Variants in PSME4 observed in about 807,000 individuals in gnomAD.
PSME4 encodes proteasome activator subunit 4, also known as proteasome activator complex subunit 4.
A neutral mutation model predicts 253.9 loss-of-function variants in PSME4; 89 were observed. The ratio of observed to expected loss-of-function variants is 0.35; its 90% confidence interval spans 0.30 to 0.42. PSME4 has a LOEUF of 0.42. Ranked by LOEUF, PSME4 falls within the 10% of genes least tolerant of loss-of-function variation. PSME4 has a pLI of 1.00. For synonymous variants in PSME4, 851 were observed against 759.2 expected (o/e 1.12, Z -1.99); for missense variants, 2,014 against 2,195.2 (o/e 0.92, Z 1.65).
intron 3 of PSME4, among the ~76,000 whole-genome samples, chr2:53,947,601 G>T (rs547319396): frequency 2.0e-4 from 31 of 152,344 alleles, no homozygotes; most frequent in Admixed American, 3.3e-4. Context: ...AGCTACTCGG[G>T]AGGCTGAGGC....
At chr2:53,963,306 G>A (rs1307317492) in intron 1 of PSME4, among the ~76,000 whole-genome samples, 2 of 152,030 alleles carry the variant, frequency 1.3e-5, no homozygotes, top group Non-Finnish European at 2.9e-5. Context: ...ATTCCAGCCT[G>A]GGTAAGAGAC....
At chr2:53,927,528 T>G (rs191474949) in intron 11 of PSME4, 45 bp from the exon 12 acceptor site, 110 of 1,310,562 alleles carry the variant, frequency 8.4e-5, no homozygotes, top group Non-Finnish European at 1.2e-4. Context: ...TAATTCTAAT[T>G]CAGAAATACA....
chr2:53,920,774 C>CA (rs1668279066), intron 18 of PSME4, 115 bp downstream of exon 18: 9 of 867,912 alleles, frequency 1.0e-5, no homozygotes, highest in Admixed American at 2.8e-5. Flanking sequence ...ATAATAGTTT[C>CA]AATAATCTAT....
At chr2:53,877,619 T>C (rs988173859) in intron 41 of PSME4, among the ~76,000 whole-genome samples, 3 of 152,020 alleles carry the variant, frequency 2.0e-5, no homozygotes, top group African/African-American at 7.3e-5. Flanking sequence ...CTGCAAAAGG[T>C]AGAATAGGGT....
rs150023365 is a variant in PSME4, at chr2:53,942,655, T to C, written c.501-2655A>G. Among the ~76,000 whole-genome samples, 997 of 152,284 alleles carry C rather than the reference T, an allele frequency of 6.5e-3. 8 individuals are homozygous for C. The highest frequency in any genetic ancestry group is 8.3e-3 in the Non-Finnish European group (567 of 68,000). On this transcript the variant is annotated intron_variant, in intron 3 of 46. Transcript: ENST00000404125. ...AATGAGATAAGGTATAGAAAGCAGG[T>C]ATACGGCCCAGAATTAAGGATAATA...
intron 1 of PSME4, among the ~76,000 whole-genome samples, chr2:53,964,152 A>G (rs759860349): frequency 2.6e-5 from 4 of 152,242 alleles, no homozygotes; most frequent in Non-Finnish European, 4.4e-5. Flanking sequence ...GCTGTTTTCA[A>G]GAAATTACTG....
intron 18 of PSME4, 124 bp downstream of exon 18, chr2:53,920,765 T>C: frequency 2.4e-6 from 2 of 819,292 alleles, no homozygotes; most frequent in South Asian, 3.4e-5. Flanking sequence ...CATATTCCAA[T>C]AATAGTTTCA....
intron 36 of PSME4, among the ~76,000 whole-genome samples, chr2:53,891,092 C>T (rs10170468): frequency 0.016 from 2,378 of 152,296 alleles, 67 homozygotes; most frequent in African/African-American, 0.054. Context: ...TATAATAGTA[C>T]GCTAGGCTGA....
intron 11 of PSME4, among the ~76,000 whole-genome samples, 196 bp downstream of exon 11, chr2:53,927,921 G>C (rs961046566): frequency 5.3e-5 from 8 of 152,116 alleles, no homozygotes; most frequent in African/African-American, 1.9e-4. Context: ...CTGCACTCCA[G>C]TTTAGGTGAC....
chr2:53,958,006 A>T (rs1670312553), intron 1 of PSME4, among the ~76,000 whole-genome samples: 1 of 151,890 alleles, frequency 6.6e-6, no homozygotes, highest in South Asian at 2.1e-4. Flanking sequence ...ACCAACACAG[A>T]GAAACCCTGT....
intron 2 of PSME4, 50 bp from the exon 3 acceptor site, chr2:53,948,587 G>T: frequency 3.6e-6 from 4 of 1,105,850 alleles, no homozygotes; most frequent in Non-Finnish European, 5.5e-6. Flanking sequence ...GTGCACAGAT[G>T]TGTGTATACC....
intron 38 of PSME4, chr2:53,888,288 T>G (rs1053717147): frequency 4.0e-6 from 1 of 251,356 alleles, no homozygotes; most frequent in Non-Finnish European, 7.5e-6. Context: ...ATTAAGTGCT[T>G]CTTCTTTTTA....
At chr2:53,899,613 T>G (rs978806789) in intron 29 of PSME4, among the ~76,000 whole-genome samples, 10 of 151,148 alleles carry the variant, frequency 6.6e-5, no homozygotes, top group African/African-American at 2.2e-4. Flanking sequence ...AGGCCAGGAG[T>G]TCGAGACCCG....
intron 27 of PSME4, among the ~76,000 whole-genome samples, chr2:53,903,599 C>A (rs538288800): frequency 9.2e-5 from 14 of 152,104 alleles, no homozygotes; most frequent in Non-Finnish European, 1.8e-4. Context: ...TGTCTTAAGC[C>A]CTTCCTTCAC....
Position 53,887,921 on chromosome 2 carries a change from A to T in PSME4, c.4457T>A (p.Leu1486Gln), listed in dbSNP as rs750731142. Residue 1486 changes from leucine (L) to glutamine (Q), a missense_variant, in exon 39 of 47, where the codon CTA becomes CAA. By Grantham distance (113) the Leu-to-Gln change is moderately radical (BLOSUM62 -2). Around this residue, in one of 4 missense-constraint regions of PSME4, gnomAD observed 403 missense variants for 556.1 expected, o/e 0.72. Coordinates refer to ENST00000404125, the MANE Select transcript of PSME4 (RefSeq NM_014614.3). The part of the protein sequence containing the change: ...EWRVPELLHR[L>Q]LKYLEPKLTQ... The stretch of plus-strand genomic sequence containing the variant: ...GAGTTTGGGTTCCAAGTACTTCAGT[A>T]GTCTGTGCAATAGTTCAGGCACTCT... 1.2e-6 allele frequency: 2 copies of T among 1,606,980 alleles called. No individual in the cohort carries two copies. The highest frequency in any genetic ancestry group is 3.3e-5 in the Admixed American group (2 of 59,982).
intron 1 of PSME4, among the ~76,000 whole-genome samples, chr2:53,963,832 C>CT (rs1670598623): frequency 1.3e-5 from 2 of 151,832 alleles, no homozygotes; most frequent in South Asian, 4.1e-4. Flanking sequence ...ATTGGTATTG[C>CT]TTTTTTTAAA....
At chr2:53,875,228 A>G (rs1237869675) in intron 42 of PSME4, among the ~76,000 whole-genome samples, 1 of 152,254 alleles carries the variant, frequency 6.6e-6, no homozygotes, top group Non-Finnish European at 1.5e-5. Context: ...AAAGCTGACC[A>G]TACAGTATAC....
chr2:53,920,212 C>T lies in PSME4; in HGVS notation c.2401G>A (p.Gly801Arg). 6.2e-7 allele frequency: 1 copy of T among 1,609,312 alleles called. No homozygotes were observed. The highest frequency in any genetic ancestry group is 2.2e-5 in the East Asian group (1 of 44,840). The change falls in exon 19 of 47, where the codon GGA (glycine) becomes AGA (arginine). Residue 801 changes from glycine (G) to arginine (R), a missense_variant. Transcript: ENST00000404125. The stretch of plus-strand genomic sequence containing the variant: ...ACCAACCTAGACATTTCAAGTTTTC[C>T]ATCCCCACAATGCTGGAGTTTGACG... ...ELVKLQHCGD[G>R]KLEMSRDDIL...
chr2:53,919,097 A>T, intron 20 of PSME4, 54 bp downstream of exon 20: 1 of 1,514,826 alleles, frequency 6.6e-7, no homozygotes, highest in Non-Finnish European at 9.0e-7. Flanking sequence ...ATAACTCATT[A>T]AGTGACTAAG....
Sources: gnomAD v4.1 joint callset for allele counts (sites outside exome capture counted in the v4.1 genomes callset) on GRCh38, gnomAD v4.1.1 for gene constraint, gnomAD v4.1.1 regional missense constraint, MANE v1.5 for transcripts, NCBI Gene and HGNC (gene_info 2026-07-23, HGNC 2026-07-21) for gene names.